FRY: variants seen among roughly 807,000 people sequenced by gnomAD.
FRY encodes FRY microtubule binding protein, also known as protein furry homolog.
A neutral mutation model predicts 348.4 loss-of-function variants in FRY; 128 were observed. That is an observed-to-expected ratio of 0.37 (90% CI 0.32 to 0.43). FRY has a LOEUF of 0.43. Among genes scored for constraint, FRY ranks in the 20% least tolerant of loss-of-function variants. The pLI, the probability that FRY is intolerant of heterozygous loss-of-function variation, is 1.00. For missense variants in FRY, 2,736 were observed against 3,695.2 expected (o/e 0.74, Z 6.73); for synonymous variants, 1,370 against 1,374.7 (o/e 1.00, Z 0.08).
intron 16 of FRY, 99 bp downstream of exon 16, chr13:32,157,504 GGGTT>G: frequency 8.3e-7 from 1 of 1,198,894 alleles, no homozygotes; most frequent in Non-Finnish European, 1.2e-6. Flanking sequence ...CATCTTCTTA[GGGTT>G]CTAAAAAGTA....
intron 29 of FRY, among the ~76,000 whole-genome samples, chr13:32,195,924 C>G (rs1338043364): frequency 6.6e-6 from 1 of 152,214 alleles, no homozygotes; most frequent in Non-Finnish European, 1.5e-5. Flanking sequence ...TGCCATTTCT[C>G]AACACAGGGC....
chr13:32,212,137 A>G (rs1227037589), intron 34 of FRY, among the ~76,000 whole-genome samples, 155 bp from the exon 35 acceptor site: 2 of 152,208 alleles, frequency 1.3e-5, no homozygotes, highest in Non-Finnish European at 2.9e-5. Flanking sequence ...GGCTTGGAAG[A>G]TTGTTTAGAA....
intron 2 of FRY, among the ~76,000 whole-genome samples, chr13:32,091,698 T>G (rs1373173320): frequency 6.6e-6 from 1 of 152,156 alleles, no homozygotes; most frequent in Non-Finnish European, 1.5e-5. Context: ...AGAAGAGAGA[T>G]CCTAATGGTG....
intron 1 of FRY, among the ~76,000 whole-genome samples, chr13:32,059,537 T>A (rs1873818051): frequency 8.7e-6 from 1 of 115,026 alleles, no homozygotes; most frequent in South Asian, 3.1e-4. Flanking sequence ...ATTTTCTTTT[T>A]CTTTCATCTT....
At chr13:32,144,944 TGAAGGCATCAGGGAGGAAC>T (rs1447658789) in intron 11 of FRY, among the ~76,000 whole-genome samples, 5 of 152,122 alleles carry the variant, frequency 3.3e-5, no homozygotes, top group African/African-American at 1.2e-4. Context: ...GGGCTGGAAT[TGAAGGCATCAGGGAGGAAC>T]AGAGAAGGCT....
At chr13:32,118,785 T>TA (rs1410507641) in intron 4 of FRY, among the ~76,000 whole-genome samples, 2 of 152,212 alleles carry the variant, frequency 1.3e-5, no homozygotes, top group Non-Finnish European at 2.9e-5. Context: ...TATCAGGTTT[T>TA]AAAAATAGAA....
intron 3 of FRY, among the ~76,000 whole-genome samples, chr13:32,102,913 G>A (rs1465915628): frequency 1.3e-5 from 2 of 152,196 alleles, no homozygotes; most frequent in African/African-American, 4.8e-5. Flanking sequence ...TGGTAGTACG[G>A]TGTTTTTATG....
intron 42 of FRY, among the ~76,000 whole-genome samples, chr13:32,235,204 A>G (rs1886156413): frequency 6.6e-6 from 1 of 152,204 alleles, no homozygotes; most frequent in South Asian, 2.1e-4. Flanking sequence ...GAAGAGCTGA[A>G]GAAGGAATGG....
chr13:32,108,779 A>G (rs1168681359), intron 3 of FRY, among the ~76,000 whole-genome samples: 1 of 152,206 alleles, frequency 6.6e-6, no homozygotes, highest in Admixed American at 6.5e-5. Context: ...AAATAGCTCA[A>G]AGGCATTGAC....
At chr13:32,142,993 C>T (rs748199623) in intron 11 of FRY, among the ~76,000 whole-genome samples, 3 of 152,036 alleles carry the variant, frequency 2.0e-5, no homozygotes, top group Non-Finnish European at 2.9e-5. Context: ...GGAGATGTAA[C>T]CTAATTGAAG....
chr13:32,291,596 G>A (rs367898881), intron 59 of FRY, among the ~76,000 whole-genome samples: 2 of 151,814 alleles, frequency 1.3e-5, no homozygotes, highest in African/African-American at 2.4e-5. Flanking sequence ...GTAGAGATGG[G>A]GTTTTGCCAT....
intron 35 of FRY, among the ~76,000 whole-genome samples, chr13:32,217,553 CA>C (rs1431319595): frequency 1.3e-5 from 2 of 152,014 alleles, no homozygotes; most frequent in Non-Finnish European, 2.9e-5. Flanking sequence ...GCCCTTTTTG[CA>C]ATTGTGGAAA....
intron 14 of FRY, among the ~76,000 whole-genome samples, chr13:32,153,796 T>C (rs1165797748): frequency 6.6e-6 from 1 of 152,166 alleles, no homozygotes; most frequent in East Asian, 1.9e-4. Flanking sequence ...AATAGCCCTA[T>C]ATGATTGATA....
chr13:32,252,953 C>T (rs1887159118), intron 50 of FRY, among the ~76,000 whole-genome samples: 1 of 152,088 alleles, frequency 6.6e-6, no homozygotes, highest in African/African-American at 2.4e-5. Flanking sequence ...TCCTAGCCCA[C>T]AGTGAAGAGA....
At chr13:32,199,995 A>C (rs897466739) in intron 29 of FRY, among the ~76,000 whole-genome samples, 2 of 151,990 alleles carry the variant, frequency 1.3e-5, no homozygotes, top group Non-Finnish European at 2.9e-5. Context: ...GCTGATGGGG[A>C]CTCTCTACAG....
At chr13:32,144,563 C>T (rs904096657) in intron 11 of FRY, among the ~76,000 whole-genome samples, 1 of 151,970 alleles carries the variant, frequency 6.6e-6, no homozygotes, top group Admixed American at 6.6e-5. Context: ...TAAAGATAAA[C>T]TTTATCCCAG....
intron 35 of FRY, among the ~76,000 whole-genome samples, chr13:32,214,651 A>G (rs1424770705): frequency 6.6e-6 from 1 of 152,190 alleles, no homozygotes; most frequent in African/African-American, 2.4e-5. Context: ...GAAATGTCAT[A>G]TCCCCAGAGG....
At position 32,117,416 on chromosome 13, in the gene FRY, A is replaced by G. The variant is rs1214315109; in HGVS notation, c.407A>G (p.Asn136Ser). ...RTLFDWYKRQ[N>S]GIEDESHEYR... ...TTATTTGACTGGTATAAAAGGCAAA[A>G]TGGCATTGAGGATGAATCACATGAA... The change falls in exon 4 of 61, where the codon AAT (asparagine) becomes AGT (serine). Residue 136 changes from asparagine (N) to serine (S), a missense_variant. Asn to Ser is a conservative substitution (Grantham distance 46). This residue lies in a region of FRY where 309 missense variants were observed against 418.1 expected (regional missense o/e 0.74). Transcript: ENST00000542859. 1 of 1,613,750 alleles carries G rather than the reference A, an allele frequency of 6.2e-7. No homozygotes were observed. The highest frequency in any genetic ancestry group is 8.5e-7 in the Non-Finnish European group (1 of 1,179,778).
chr13:32,260,482 A>G (rs1337000076), intron 51 of FRY, among the ~76,000 whole-genome samples: 2 of 152,238 alleles, frequency 1.3e-5, no homozygotes, highest in Non-Finnish European at 2.9e-5. Context: ...TTATTAACTG[A>G]TGGTTTGTAG....
Sources: gnomAD v4.1 joint callset for allele counts (sites outside exome capture counted in the v4.1 genomes callset) on GRCh38, gnomAD v4.1.1 for gene constraint, gnomAD v4.1.1 regional missense constraint, MANE v1.5 for transcripts, NCBI Gene and HGNC (gene_info 2026-07-23, HGNC 2026-07-21) for gene names.